RNF121: variants seen among roughly 807,000 people sequenced by gnomAD.
RNF121 encodes ring finger protein 121.
A neutral mutation model predicts 46.5 loss-of-function variants in RNF121; 21 were observed. The observed-to-expected ratio is 0.45, with a 90% CI of 0.32 to 0.65. The LOEUF (loss-of-function observed/expected upper bound fraction) is 0.65. RNF121 is among the 30% of genes least tolerant of loss of function. The pLI, the probability that RNF121 is intolerant of heterozygous loss-of-function variation, is 0.04. For synonymous variants in RNF121, 139 were observed against 144.7 expected (o/e 0.96, Z 0.28); for missense variants, 346 against 416.0 (o/e 0.83, Z 1.46).
intron 3 of RNF121, among the ~76,000 whole-genome samples, chr11:71,963,053 GA>G (rs1270049355): frequency 6.6e-6 from 1 of 152,142 alleles, no homozygotes; most frequent in African/African-American, 2.4e-5. Context: ...ATTTTTGGTT[GA>G]ATTTTTTGTC....
Position 71,996,188 on chromosome 11 carries a change from C to G in RNF121, c.864-7C>G. 1 of 1,613,960 alleles carries G rather than the reference C, an allele frequency of 6.2e-7. No individual in the cohort carries two copies. The highest frequency in any genetic ancestry group is 1.1e-5 in the South Asian group (1 of 91,068). On this transcript the variant is annotated splice_region_variant and splice_polypyrimidine_tract_variant and intron_variant, in intron 8 of 8. Coordinates refer to ENST00000361756, the MANE Select transcript of RNF121 (RefSeq NM_018320.5). ...CACAGAGTCTCTTTTCTTTAACACA[C>G]TGACAGCTGGGAGAGGCCTCACGTC...
chr11:71,935,851 T>C (rs1024743685), intron 1 of RNF121, among the ~76,000 whole-genome samples: 28 of 144,694 alleles, frequency 1.9e-4, no homozygotes, highest in Non-Finnish European at 3.3e-4. Flanking sequence ...TTTTTCTTTT[T>C]TTTTTTTTTT....
intron 1 of RNF121, among the ~76,000 whole-genome samples, chr11:71,950,095 A>G (rs997068226): frequency 3.9e-5 from 6 of 152,184 alleles, no homozygotes; most frequent in Non-Finnish European, 8.8e-5. Context: ...CTCTAGCTGT[A>G]TAGTTGATCA....
chr11:71,952,866 G>A (rs149495333), intron 1 of RNF121, among the ~76,000 whole-genome samples: 84 of 152,058 alleles, frequency 5.5e-4, no homozygotes, highest in African/African-American at 1.7e-3. Context: ...GTAACTTATC[G>A]ATCACCTCAA....
chr11:71,971,821 C>T (rs965181386), intron 3 of RNF121, among the ~76,000 whole-genome samples: 1 of 152,192 alleles, frequency 6.6e-6, no homozygotes, highest in African/African-American at 2.4e-5. Flanking sequence ...CTTTCTTGTA[C>T]TTTTTTGTGG....
intron 1 of RNF121, among the ~76,000 whole-genome samples, chr11:71,952,429 C>T (rs1347720379): frequency 1.3e-5 from 2 of 152,198 alleles, no homozygotes; most frequent in African/African-American, 4.8e-5. Flanking sequence ...CTAAAAATCT[C>T]GAATAGTATA....
At chr11:71,956,186 T>C (rs1953988314) in intron 1 of RNF121, among the ~76,000 whole-genome samples, 1 of 152,188 alleles carries the variant, frequency 6.6e-6, no homozygotes, top group African/African-American at 2.4e-5. Flanking sequence ...ACATCTTAAG[T>C]ACTAAAGGAA....
chr11:71,940,812 C>G (rs767070708), intron 1 of RNF121, among the ~76,000 whole-genome samples: 2 of 152,192 alleles, frequency 1.3e-5, no homozygotes, highest in Non-Finnish European at 2.9e-5. Context: ...GTGATTAACT[C>G]TGCTTCGGGA....
At chr11:71,981,941 C>A (rs766059980) in intron 3 of RNF121, among the ~76,000 whole-genome samples, 3 of 152,060 alleles carry the variant, frequency 2.0e-5, no homozygotes, top group Non-Finnish European at 4.4e-5. Context: ...AAAGAAAATG[C>A]GTTTGGAGCA....
chr11:71,959,400 C>A lies in RNF121; in HGVS notation c.102-1350C>A, dbSNP rs1014148004. Among the ~76,000 whole-genome samples, 3 of 152,122 alleles carry A rather than the reference C, an allele frequency of 2.0e-5. No individual in the cohort carries two copies. The East Asian group carries it at 5.8e-4, about 29-fold the overall frequency. ...ATTTGCTTTATTGTTTATAATTCAT[C>A]CTTCTGGGTTATTTTTGCTGTTAAT... On this transcript the variant is annotated intron_variant, in intron 2 of 8. Transcript: ENST00000361756.
At chr11:71,953,888 T>C (rs968577093) in intron 1 of RNF121, among the ~76,000 whole-genome samples, 12 of 152,188 alleles carry the variant, frequency 7.9e-5, no homozygotes, top group Non-Finnish European at 1.6e-4. Context: ...AATGTAGCAG[T>C]CAACTTCTCA....
At chr11:71,993,167 AC>A (rs1272440553) in intron 6 of RNF121, among the ~76,000 whole-genome samples, 1 of 152,078 alleles carries the variant, frequency 6.6e-6, no homozygotes, top group Non-Finnish European at 1.5e-5. Flanking sequence ...TTTCCCTCTT[AC>A]CTATTTGTGT....
intron 3 of RNF121, among the ~76,000 whole-genome samples, chr11:71,966,402 T>G (rs943418076): frequency 2.0e-5 from 3 of 152,202 alleles, no homozygotes; most frequent in Admixed American, 2.0e-4. Flanking sequence ...GCAAAACACA[T>G]TGGTCCCCTG....
chr11:71,963,979 T>G (rs151013070), intron 3 of RNF121, among the ~76,000 whole-genome samples: 1 of 152,372 alleles, frequency 6.6e-6, no homozygotes, highest in East Asian at 1.9e-4. Context: ...TTTTCAAGAT[T>G]GTTTCAGCTA....
chr11:71,990,432 C>T (rs1199991373), intron 5 of RNF121, among the ~76,000 whole-genome samples, 165 bp from the exon 6 acceptor site: 1 of 152,156 alleles, frequency 6.6e-6, no homozygotes, highest in Non-Finnish European at 1.5e-5. Context: ...TGTTCATGGG[C>T]CATATAAAAA....
At chr11:71,969,690 G>A (rs1287605365) in intron 3 of RNF121, among the ~76,000 whole-genome samples, 4 of 152,026 alleles carry the variant, frequency 2.6e-5, no homozygotes, top group African/African-American at 9.7e-5. Context: ...AGCCTCCCAG[G>A]TAAATGGGAC....
chr11:71,930,579 G>C (rs1953255395), intron 1 of RNF121, among the ~76,000 whole-genome samples: 1 of 152,142 alleles, frequency 6.6e-6, no homozygotes, highest in African/African-American at 2.4e-5. Flanking sequence ...TGGTTGGTTA[G>C]GTGGAGTGGT....
intron 2 of RNF121, 86 bp from the exon 3 acceptor site, chr11:71,960,664 G>A (rs528560480): frequency 2.0e-6 from 3 of 1,496,120 alleles, no homozygotes; most frequent in Admixed American, 1.8e-5. Context: ...TCTGAGCTAT[G>A]TACTGGTGGG....
chr11:71,946,068 G>A (rs1953708481), intron 1 of RNF121, among the ~76,000 whole-genome samples: 1 of 151,842 alleles, frequency 6.6e-6, no homozygotes, highest in African/African-American at 2.4e-5. Context: ...TTATGTTTGT[G>A]CCACTGCACT....
Sources: gnomAD v4.1 joint callset for allele counts (sites outside exome capture counted in the v4.1 genomes callset) on GRCh38, gnomAD v4.1.1 for gene constraint, MANE v1.5 for transcripts, NCBI Gene and HGNC (gene_info 2026-07-23, HGNC 2026-07-21) for gene names.